Variants in SNRPF observed in about 807,000 individuals in gnomAD.
SNRPF encodes small nuclear ribonucleoprotein polypeptide F, also known as small nuclear ribonucleoprotein F.
A neutral mutation model predicts 13.4 loss-of-function variants in SNRPF; 1 was observed. The observed-to-expected ratio is 0.07, with a 90% CI of 0.03 to 0.35. The LOEUF is 0.35. Ranked by LOEUF, SNRPF falls within the 10% of genes least tolerant of loss-of-function variation. The pLI is 0.99. For missense variants in SNRPF, 53 were observed against 101.0 expected (o/e 0.52, Z 2.04); for synonymous variants, 27 against 32.1 (o/e 0.84, Z 0.54).
At chr12:95,859,150 G>T (rs2079481032) in intron 1 of SNRPF, 74 bp downstream of exon 1, 2 of 1,315,696 alleles carry the variant, frequency 1.5e-6, no homozygotes, top group Admixed American at 3.7e-5. Context: ...GGGCCTGCTG[G>T]TTCCTTCGCG....
chr12:95,861,407 G>A, intron 2 of SNRPF, 114 bp downstream of exon 2: 4 of 1,006,476 alleles, frequency 4.0e-6, no homozygotes, highest in Admixed American at 2.6e-5. Flanking sequence ...CAAATATACG[G>A]CAAAATTCAA....
At chr12:95,859,105 C>T (rs1419710070) in intron 1 of SNRPF, 29 bp downstream of exon 1, 5 of 1,596,752 alleles carry the variant, frequency 3.1e-6, no homozygotes, top group Admixed American at 1.7e-5. Flanking sequence ...GCGGGAGAAG[C>T]GGGGAGAAAG....
intron 2 of SNRPF, among the ~76,000 whole-genome samples, chr12:95,862,007 A>G (rs183913390): frequency 2.6e-5 from 4 of 152,318 alleles, no homozygotes; most frequent in Admixed American, 2.6e-4. Flanking sequence ...TTACAATTAA[A>G]CATTAAACAA....
intron 1 of SNRPF, among the ~76,000 whole-genome samples, chr12:95,859,469 A>G (rs1305078473): frequency 6.6e-6 from 1 of 152,242 alleles, no homozygotes; most frequent in Non-Finnish European, 1.5e-5. Context: ...GACATTAGTC[A>G]AAAAATAACA....
At chr12:95,859,136 C>T in intron 1 of SNRPF, 60 bp downstream of exon 1, 6 of 1,440,564 alleles carry the variant, frequency 4.2e-6, no homozygotes, top group South Asian at 3.5e-5. Flanking sequence ...AGACCAGCCT[C>T]GCGGGGCCTG....
At chr12:95,860,031 G>A (rs2079487762) in intron 1 of SNRPF, among the ~76,000 whole-genome samples, 1 of 152,192 alleles carries the variant, frequency 6.6e-6, no homozygotes, top group African/African-American at 2.4e-5. Flanking sequence ...TAGTAGCCAA[G>A]TTTCTTAGTT....
chr12:95,865,133 G>A (rs750972393), intron 2 of SNRPF, 191 bp from the exon 3 acceptor site: 7 of 375,378 alleles, frequency 1.9e-5, no homozygotes, highest in African/African-American at 6.2e-5. Flanking sequence ...TATTAATTTC[G>A]TTGAAGGTTT....
chr12:95,861,214 A>G lies in SNRPF; in HGVS notation c.50A>G (p.Lys17Arg). 2 of 1,612,540 alleles carry G rather than the reference A, an allele frequency of 1.2e-6. No homozygotes were observed. Among genetic ancestry groups the G allele is most frequent in the African/African-American group, 1.3e-5 (1 of 74,996 alleles). The change falls in exon 2 of 4, where the codon AAG becomes AGG. Residue 17 changes from lysine to arginine, a missense_variant. Lys to Arg is a conservative substitution (Grantham distance 26). Transcript: ENST00000266735. ...CCTTTCCTCAATGGACTAACAGGAA[A>G]GCCAGTGATGGTGAAACTTAAGTGG... The part of the protein sequence containing the change: ...PKPFLNGLTG[K>R]PVMVKLKWGM...
Position 95,859,063 on chromosome 12 carries a change from C to A in SNRPF, c.-11C>A. On this transcript the variant is annotated 5_prime_UTR_variant, in exon 1 of 4. Coordinates refer to ENST00000266735, the MANE Select transcript of SNRPF (RefSeq NM_003095.5). ...GCAGAGAGTAGCCTGCAACATTCGG[C>A]CGTGGTTACGATGGTAAGGAGAAAG... 5 of 1,613,084 alleles carry A rather than the reference C, an allele frequency of 3.1e-6. No individual in the cohort carries two copies. The highest frequency in any genetic ancestry group is 2.5e-6 in the Non-Finnish European group (3 of 1,179,714).
At chr12:95,860,852 C>CTTTTT (rs10689270) in intron 1 of SNRPF, among the ~76,000 whole-genome samples, 2,688 of 96,396 alleles carry the variant, frequency 0.028, 131 homozygotes, top group East Asian at 0.13. Context: ...ACCTGGCCCG[C>CTTTTT]TTTTTTTTTT....
chr12:95,860,852 C>CTT (rs10689270), intron 1 of SNRPF, among the ~76,000 whole-genome samples: 22,472 of 96,316 alleles, frequency 0.23, 3,758 homozygotes, highest in African/African-American at 0.44. Flanking sequence ...ACCTGGCCCG[C>CTT]TTTTTTTTTT....
Position 95,865,335 on chromosome 12 carries a change from A to G in SNRPF, c.141A>G (p.Thr47=). The change falls in exon 3 of 4, where the codon ACA becomes ACG. Residue 47 remains threonine, a synonymous_variant. Transcript: ENST00000266735. Reference sequence around the variant, plus strand: ...CTTTTTATTGAAAGCTTGCAAATACAGAAGAATACATAGATGGAGCTTTGT... The same window carrying G: ...CTTTTTATTGAAAGCTTGCAAATACGGAAGAATACATAGATGGAGCTTTGT... The part of the protein sequence containing the change: ...DGYMNMQLAN[T]EEYIDGALSG... The G allele has an allele frequency of 6.5e-7, 1 of 1,543,292 alleles. No homozygotes were observed. The highest frequency in any genetic ancestry group is 1.4e-5 in the African/African-American group (1 of 73,720).
rs118164863 is a variant in SNRPF, at chr12:95,862,089, G to A, written c.129+796G>A. Among the ~76,000 whole-genome samples, 89 of 152,220 alleles carry A rather than the reference G, an allele frequency of 5.8e-4. No homozygotes were observed. The East Asian group carries it at 9.1e-3, about 16-fold the overall frequency. On this transcript the variant is annotated intron_variant, in intron 2 of 3. Coordinates refer to ENST00000266735, the MANE Select transcript of SNRPF (RefSeq NM_003095.5). ...AGTCTACATGTCTATGAATTTGACC[G>A]TGCATAATACCTCATGTAAGTGGAA...
chr12:95,859,167 C>T, intron 1 of SNRPF, 91 bp downstream of exon 1: 1 of 1,192,218 alleles, frequency 8.4e-7, no homozygotes, highest in Non-Finnish European at 1.2e-6. Flanking sequence ...CGCGCGTTTC[C>T]CATTCATCCG....
intron 3 of SNRPF, among the ~76,000 whole-genome samples, chr12:95,865,800 C>T (rs2079518448): frequency 6.6e-6 from 1 of 152,046 alleles, no homozygotes; most frequent in East Asian, 1.9e-4. Context: ...CATTTTATAA[C>T]AACCATATGG....
intron 2 of SNRPF, among the ~76,000 whole-genome samples, chr12:95,864,269 C>T (rs2079511005): frequency 1.3e-5 from 2 of 152,048 alleles, no homozygotes; most frequent in Non-Finnish European, 2.9e-5. Context: ...TTTCCTTTTC[C>T]ACGTGCCTAA....
In SNRPF at chr12:95,866,035, G is replaced by A; in HGVS notation, c.225G>A (p.Val75=). The stretch of plus-strand genomic sequence containing the variant: ...ATAATGTCCTTTATATCAGAGGTGT[G>A]GAAGAAGAGGAAGAAGATGGGGAAA... ...RCNNVLYIRG[V]EEEEEDGEMR... is the part of the protein sequence containing the mutation. The change falls in exon 4 of 4, where the codon GTG becomes GTA. Residue 75 remains valine (V), a synonymous_variant. Transcript: ENST00000266735. The A allele has an allele frequency of 1.3e-6, 2 of 1,546,712 alleles. No homozygotes were observed. Among genetic ancestry groups the A allele is most frequent in the Non-Finnish European group, 1.8e-6 (2 of 1,130,716 alleles).
chr12:95,859,896 C>A (rs902173835), intron 1 of SNRPF, among the ~76,000 whole-genome samples: 2 of 152,108 alleles, frequency 1.3e-5, no homozygotes, highest in Non-Finnish European at 2.9e-5. Context: ...ATCTGATGTG[C>A]ACTTTAAAAA....
intron 2 of SNRPF, among the ~76,000 whole-genome samples, chr12:95,864,896 G>A (rs2079513638): frequency 1.3e-5 from 2 of 152,162 alleles, no homozygotes; most frequent in Admixed American, 1.3e-4. Context: ...GGGAGACCCT[G>A]TTTCTTAAAA....
Sources: gnomAD v4.1 joint callset for allele counts (sites outside exome capture counted in the v4.1 genomes callset) on GRCh38, gnomAD v4.1.1 for gene constraint, MANE v1.5 for transcripts, NCBI Gene and HGNC (gene_info 2026-07-23, HGNC 2026-07-21) for gene names.